The following TBPL1 variants were observed in gnomAD, a reference collection of about 807,000 sequenced individuals.
The protein encoded by TBPL1 is TATA-box binding protein like 1.
A neutral mutation model predicts 22.1 loss-of-function variants in TBPL1; 4 were observed. The ratio of observed to expected loss-of-function variants is 0.18; its 90% CI spans 0.09 to 0.41. The LOEUF is 0.41. TBPL1 is among the 10% of genes least tolerant of loss of function. The pLI is 1.00. For missense variants in TBPL1, 115 were observed against 222.3 expected, an observed-to-expected ratio of 0.52 and a Z score of 3.07; for synonymous variants, 64 against 71.0, an observed-to-expected ratio of 0.90 and a Z score of 0.50.
intron 6 of TBPL1, among the ~76,000 whole-genome samples, chr6:133,986,254 A>T (rs1776520887): frequency 6.6e-6 from 1 of 152,188 alleles, no homozygotes; most frequent in Non-Finnish European, 1.5e-5. Context: ...TTAAGTGTGT[A>T]TTGGTGAAGC....
At chr6:133,974,779 C>A (rs1322493692) in intron 1 of TBPL1, among the ~76,000 whole-genome samples, 3 of 152,148 alleles carry the variant, frequency 2.0e-5, no homozygotes, top group Non-Finnish European at 2.9e-5. Context: ...CTTTCAACAT[C>A]GTTTGATATT....
At chr6:133,968,509 A>T (rs1776161855) in intron 1 of TBPL1, among the ~76,000 whole-genome samples, 1 of 152,190 alleles carries the variant, frequency 6.6e-6, no homozygotes, top group Admixed American at 6.5e-5. Flanking sequence ...CATTGCTTTA[A>T]TAGAGCATAT....
chr6:133,990,363 T>A lies in TBPL1; in HGVS notation c.*3323T>A, dbSNP rs1415255494. The stretch of plus-strand genomic sequence containing the variant: ...TTAGAGATTTGGATAAATAACCTAA[T>A]GGCCTGACTCCTTTTCTAATGTTTT... On this transcript the variant is annotated 3_prime_UTR_variant, in exon 7 of 7. Coordinates refer to ENST00000237264, the MANE Select transcript of TBPL1 (RefSeq NM_004865.4). 1.3e-5 allele frequency: 2 copies of A among 152,626 alleles called. No homozygotes were observed. The highest frequency in any genetic ancestry group is 2.9e-5 in the Non-Finnish European group (2 of 68,036). The allele number at this position is 152,626 out of a possible 1,614,324, so 9.5% of individuals were successfully genotyped here.
chr6:133,979,280 G>A (rs1776368359), intron 1 of TBPL1, among the ~76,000 whole-genome samples: 1 of 152,168 alleles, frequency 6.6e-6, no homozygotes, highest in Admixed American at 6.5e-5. Context: ...AAGTCTGTTA[G>A]TAAATGTTAT....
chr6:133,955,520 T>A (rs1775912114), intron 1 of TBPL1, among the ~76,000 whole-genome samples: 1 of 152,208 alleles, frequency 6.6e-6, no homozygotes, highest in South Asian at 2.1e-4. Flanking sequence ...TACCCTCCTC[T>A]TTATTTGGAA....
At chr6:133,978,300 T>C (rs1476124488) in intron 1 of TBPL1, among the ~76,000 whole-genome samples, 2 of 152,230 alleles carry the variant, frequency 1.3e-5, no homozygotes, top group Non-Finnish European at 2.9e-5. Context: ...ATCCTAGATA[T>C]ATATGCTAAG....
At chr6:133,973,559 G>A (rs761010542) in intron 1 of TBPL1, among the ~76,000 whole-genome samples, 3 of 152,112 alleles carry the variant, frequency 2.0e-5, no homozygotes, top group East Asian at 3.9e-4. Context: ...GCAATTTGTC[G>A]TAAAAGCCAG....
chr6:133,973,282 C>G (rs1010600863), intron 1 of TBPL1, among the ~76,000 whole-genome samples: 2 of 152,154 alleles, frequency 1.3e-5, no homozygotes, highest in African/African-American at 2.4e-5. Context: ...TATCAGTCCT[C>G]CCCTGCTTCT....
At chr6:133,970,430 T>C (rs1243113724) in intron 1 of TBPL1, among the ~76,000 whole-genome samples, 1 of 152,230 alleles carries the variant, frequency 6.6e-6, no homozygotes, top group Non-Finnish European at 1.5e-5. Flanking sequence ...TATATGTGTT[T>C]GTTTAAGTAA....
intron 1 of TBPL1, among the ~76,000 whole-genome samples, chr6:133,974,338 G>T (rs1439873979): frequency 6.6e-6 from 1 of 152,104 alleles, no homozygotes; most frequent in East Asian, 1.9e-4. Flanking sequence ...GGTCAGTTCA[G>T]TTATTTCTTT....
chr6:133,961,198 C>T (rs1238022213), intron 1 of TBPL1, among the ~76,000 whole-genome samples: 2 of 152,158 alleles, frequency 1.3e-5, no homozygotes, highest in Non-Finnish European at 2.9e-5. Flanking sequence ...AAACCATTTT[C>T]TCAGTTGTTC....
chr6:133,957,952 A>G (rs1775954960), intron 1 of TBPL1, among the ~76,000 whole-genome samples: 1 of 152,252 alleles, frequency 6.6e-6, no homozygotes, highest in African/African-American at 2.4e-5. Flanking sequence ...GAGGCTTTCT[A>G]CTAGAGCATT....
Position 133,988,353 on chromosome 6 carries a change from G to A in TBPL1, c.*1313G>A, listed in dbSNP as rs971362405. ...CCTGTCATTTAGGTTTAGGAGTTTA[G>A]TGTAACCAACAGTGATTATACCTAG... On this transcript the variant is annotated 3_prime_UTR_variant, in exon 7 of 7. Transcript: ENST00000237264. 6.6e-6 allele frequency: 1 copy of A among 152,204 alleles called. No individual in the cohort carries two copies. Among genetic ancestry groups the A allele is most frequent in the African/African-American group, 2.4e-5 (1 of 41,458 alleles). The allele number at this position is 152,204 out of a possible 1,614,324, so 9.4% of individuals were successfully genotyped here.
At chr6:133,985,302 ATAT>A (rs1168212197) in intron 6 of TBPL1, among the ~76,000 whole-genome samples, 14 of 42,256 alleles carry the variant, frequency 3.3e-4, no homozygotes, top group African/African-American at 1.6e-3. Context: ...AAAAAAATAT[ATAT>A]ATATATATAT....
intron 1 of TBPL1, among the ~76,000 whole-genome samples, chr6:133,972,876 C>A (rs1328553006): frequency 1.3e-5 from 2 of 152,098 alleles, no homozygotes; most frequent in African/African-American, 4.8e-5. Context: ...CTTAAAAGCA[C>A]CCTGTGAGGT....
chr6:133,953,167 T>G (rs1775863744), upstream of TBPL1: 2 of 152,658 alleles, frequency 1.3e-5, no homozygotes, highest in Admixed American at 6.5e-5. Context: ...CCTCGCGCAC[T>G]GTCTCTATGC....
chr6:133,979,272 G>T (rs1776368252), intron 1 of TBPL1, among the ~76,000 whole-genome samples: 1 of 152,166 alleles, frequency 6.6e-6, no homozygotes, highest in African/African-American at 2.4e-5. Flanking sequence ...AATGAGAAAA[G>T]TCTGTTAGTA....
intron 1 of TBPL1, among the ~76,000 whole-genome samples, chr6:133,973,742 A>G (rs1776264567): frequency 6.6e-6 from 1 of 152,216 alleles, no homozygotes; most frequent in Non-Finnish European, 1.5e-5. Context: ...ATAGAAAGCT[A>G]GAAATATGCC....
chr6:133,985,297 AATATATATATATATATATAT>A (rs3068194), intron 6 of TBPL1, among the ~76,000 whole-genome samples: 2,631 of 42,918 alleles, frequency 0.061, 739 homozygotes, highest in Non-Finnish European at 0.084. Context: ...AAAAAAAAAA[AATATATATATATATATATAT>A]ATATATATAT....
Sources: allele counts gnomAD v4.1 joint callset (sites outside exome capture counted in the v4.1 genomes callset), GRCh38; gene constraint gnomAD v4.1.1; transcripts MANE v1.5; gene names NCBI Gene and HGNC (gene_info 2026-07-23, HGNC 2026-07-21).